ZBTB16: variants seen among roughly 807,000 people sequenced by gnomAD.
The protein encoded by ZBTB16 is zinc finger and BTB domain-containing protein 16.
Under a neutral mutation model 56.8 loss-of-function variants are expected in ZBTB16, and 8 were observed. The observed-to-expected ratio is 0.14, with a 90% confidence interval of 0.08 to 0.25. The LOEUF is 0.25. Ranked by LOEUF, ZBTB16 falls within the 10% of genes least tolerant of loss-of-function variation. The probability of loss-of-function intolerance (pLI) is 1.00; values close to 1 mark genes in which losing one functional copy is unlikely to be tolerated. For missense variants in ZBTB16, 625 were observed against 903.0 expected (o/e 0.69, Z 3.95); for synonymous variants, 363 against 368.5 (o/e 0.98, Z 0.17).
chr11:114,162,413 C>T (rs573027919), intron 3 of ZBTB16, among the ~76,000 whole-genome samples: 15 of 152,290 alleles, frequency 9.8e-5, no homozygotes, highest in African/African-American at 2.9e-4. Flanking sequence ...GGAGACAGTG[C>T]GAGGTGGTCC....
At chr11:114,170,638 G>A (rs2135008929) in intron 3 of ZBTB16, among the ~76,000 whole-genome samples, 1 of 151,490 alleles carries the variant, frequency 6.6e-6, no homozygotes, top group Non-Finnish European at 1.5e-5. Flanking sequence ...AAAAAAAAAA[G>A]CAAATTCTAA....
chr11:114,114,126 A>T (rs1436247362), intron 2 of ZBTB16, among the ~76,000 whole-genome samples: 1 of 152,236 alleles, frequency 6.6e-6, no homozygotes, highest in Non-Finnish European at 1.5e-5. Flanking sequence ...AAGTAGAGAT[A>T]CTGGGGTCCA....
At position 114,060,997 on chromosome 11, in the gene ZBTB16, GC is replaced by G. The variant is rs1938827691; in HGVS notation, c.-91+1118del. Among the ~76,000 whole-genome samples the G allele has an allele frequency of 1.3e-5, 2 of 152,270 alleles. No homozygotes were observed. The highest frequency in any genetic ancestry group is 4.1e-4 in the South Asian group (2 of 4,830). On this transcript the variant is annotated intron_variant, in intron 1 of 6. Transcript: ENST00000335953. The surrounding 1 kb of genome is among the most constrained non-coding windows in gnomAD (Gnocchi z 6.0). ...CCGCTCTCGCCGCGGAGTCCAGCCC[GC>G]CCGGACTGTCGCCGTTCCTCCCCGT... is the stretch of plus-strand genomic sequence containing the variant.
chr11:114,231,352 T>C (rs1160594041), intron 4 of ZBTB16, among the ~76,000 whole-genome samples: 3 of 152,142 alleles, frequency 2.0e-5, no homozygotes, highest in African/African-American at 7.2e-5. Flanking sequence ...GTCTTCTCTA[T>C]CATTCTGCTG....
chr11:114,135,687 T>C (rs1941780228), intron 2 of ZBTB16, among the ~76,000 whole-genome samples: 1 of 152,172 alleles, frequency 6.6e-6, no homozygotes, highest in African/African-American at 2.4e-5. Flanking sequence ...AACTATAAGA[T>C]ACATTTGTGC....
chr11:114,095,607 A>G lies in ZBTB16; in HGVS notation c.1268+31039A>G, dbSNP rs541605793. On this transcript the variant is annotated intron_variant, in intron 2 of 6. Coordinates refer to ENST00000335953, the MANE Select transcript of ZBTB16 (RefSeq NM_006006.6). Reference sequence around the variant, plus strand: ...ATGGAGCAGGGAGAAAGAGACATGCAAACAAGGCAGAATTGGGACCTTTGC... The same window carrying G: ...ATGGAGCAGGGAGAAAGAGACATGCGAACAAGGCAGAATTGGGACCTTTGC... 2.5e-4 allele frequency among the ~76,000 whole-genome samples: 38 copies of G among 152,296 alleles called. 1 individual carries two copies. The South Asian group carries it at 5.2e-3, about 21-fold the overall frequency.
At chr11:114,160,849 G>T (rs1028292791) in intron 3 of ZBTB16, among the ~76,000 whole-genome samples, 4 of 152,154 alleles carry the variant, frequency 2.6e-5, no homozygotes, top group African/African-American at 9.7e-5. Context: ...TGGTTTTGGG[G>T]GTCAGAAGGG....
At chr11:114,114,481 A>G (rs1262838401) in intron 2 of ZBTB16, among the ~76,000 whole-genome samples, 1 of 152,196 alleles carries the variant, frequency 6.6e-6, no homozygotes, top group Non-Finnish European at 1.5e-5. Context: ...AATAGAGGGA[A>G]CAGGGAGATG....
intron 1 of ZBTB16, among the ~76,000 whole-genome samples, chr11:114,061,095 T>TTCCCCAAGTTTGCTGAAGTCG (rs1476755808): frequency 6.6e-6 from 1 of 151,858 alleles, no homozygotes; most frequent in Non-Finnish European, 1.5e-5. Context: ...GAAAAGTTGC[T>TTCCCCAAGTTTGCTGAAGTCG]TCCCCAAGTT....
In ZBTB16 at chr11:114,177,264, C is replaced by T. The variant is rs533129795; in HGVS notation, c.1367-9688C>T. Among the ~76,000 whole-genome samples, 12 of 152,272 alleles carry T rather than the reference C, an allele frequency of 7.9e-5. No homozygotes were observed. In the East Asian group the frequency reaches 1.5e-3, roughly 20 times the overall value. ...TACCGTACCGGTAGAACCTTAAAGC[C>T]GTCTCTGGATTTGAGCTGTTGCTGT... is the stretch of plus-strand genomic sequence containing the variant. On this transcript the variant is annotated intron_variant, in intron 3 of 6. Coordinates refer to ENST00000335953, the MANE Select transcript of ZBTB16 (RefSeq NM_006006.6).
intron 2 of ZBTB16, among the ~76,000 whole-genome samples, chr11:114,096,970 C>CAGG (rs1167513023): frequency 2.0e-5 from 3 of 152,186 alleles, no homozygotes; most frequent in African/African-American, 7.2e-5. Flanking sequence ...TAATTGAAAG[C>CAGG]AGGAACTTGA....
intron 3 of ZBTB16, among the ~76,000 whole-genome samples, chr11:114,160,319 T>C (rs1942551892): frequency 6.6e-6 from 1 of 152,194 alleles, no homozygotes. Flanking sequence ...GTTTCTCCGA[T>C]GCTTGAGAAT....
Position 114,254,366 on chromosome 11 carries a change from T to A in ZBTB16, c.*3811T>A, listed in dbSNP as rs1448246911. Among the ~76,000 whole-genome samples, 3 of 152,054 alleles carry A rather than the reference T, an allele frequency of 2.0e-5. No individual in the cohort carries two copies. Among genetic ancestry groups the A allele is most frequent in the Non-Finnish European group, 4.4e-5 (3 of 68,004 alleles). On this transcript the variant is annotated 3_prime_UTR_variant, in exon 7 of 7. Coordinates refer to ENST00000335953, the MANE Select transcript of ZBTB16 (RefSeq NM_006006.6). ...GGATGCAACGCGGGCTTGTTTAATC[T>A]TTGTGCCTGAACAGTTTTTCCATGT... is the stretch of plus-strand genomic sequence containing the variant.
intron 1 of ZBTB16, among the ~76,000 whole-genome samples, chr11:114,061,218 C>T (rs1938844209): frequency 6.6e-6 from 1 of 152,130 alleles, no homozygotes; most frequent in African/African-American, 2.4e-5. Context: ...CCCGCGCCGC[C>T]TGGCTGGACG....
intron 2 of ZBTB16, among the ~76,000 whole-genome samples, chr11:114,139,168 G>A (rs76234051): frequency 2.1e-3 from 324 of 152,280 alleles, no homozygotes; most frequent in African/African-American, 7.6e-3. Context: ...TAGGAACAGA[G>A]GAATTGCTGG....
chr11:114,155,003 G>A (rs1051885297), intron 2 of ZBTB16, among the ~76,000 whole-genome samples: 4 of 151,772 alleles, frequency 2.6e-5, no homozygotes, highest in African/African-American at 4.9e-5. Context: ...TTGGAAGGGT[G>A]GGTGGCTCGG....
At chr11:114,091,665 G>T (rs1479538700) in intron 2 of ZBTB16, among the ~76,000 whole-genome samples, 1 of 139,346 alleles carries the variant, frequency 7.2e-6, no homozygotes, top group Non-Finnish European at 1.5e-5. Flanking sequence ...AAAGTATATG[G>T]CTGCACCTAG....
At chr11:114,174,395 C>A (rs1943051518) in intron 3 of ZBTB16, among the ~76,000 whole-genome samples, 1 of 151,200 alleles carries the variant, frequency 6.6e-6, no homozygotes, top group African/African-American at 2.4e-5. Context: ...GTTTGCATAT[C>A]TAAGGCCAGG....
intron 2 of ZBTB16, chr11:114,121,971 C>T (rs1941359201): frequency 5.5e-6 from 2 of 363,848 alleles, no homozygotes; most frequent in Non-Finnish European, 1.1e-5. Context: ...AGTCCCAAGT[C>T]CACAGATTTT....
Sources: gnomAD v4.1 joint callset for allele counts (sites outside exome capture counted in the v4.1 genomes callset) on GRCh38, gnomAD v4.1.1 for gene constraint, Gnocchi (gnomAD v3.1) non-coding constraint, MANE v1.5 for transcripts, NCBI Gene and HGNC (gene_info 2026-07-23, HGNC 2026-07-21) for gene names.